TSEN54: variants seen among roughly 807,000 people sequenced by gnomAD.
The protein encoded by TSEN54 is tRNA-splicing endonuclease subunit Sen54.
Under a neutral mutation model 61.9 loss-of-function variants are expected in TSEN54, and 55 were observed. The observed-to-expected ratio is 0.89, with a 90% confidence interval of 0.72 to 1.11. The LOEUF is 1.11. TSEN54 is among the 50% of genes most tolerant of loss of function. The pLI is 0.00. For synonymous variants in TSEN54, 304 were observed against 288.7 expected (o/e 1.05, Z -0.54); for missense variants, 760 against 687.7 (o/e 1.11, Z -1.18).
At chr17:75,520,879 C>T (rs2053420209) in intron 6 of TSEN54, among the ~76,000 whole-genome samples, 1 of 151,412 alleles carries the variant, frequency 6.6e-6, no homozygotes, top group African/African-American at 2.4e-5. Context: ...TCGCTTGAAC[C>T]CAGGAGATGG....
rs200165870 is a variant in TSEN54 at position 75,521,673 on chromosome 17, C to T, written c.624-32C>T. ...ACGTGTGCACCTTAGCAACCAGGGG[C>T]AGATGTGCTGCTTTTCCCCCACGTC... On this transcript the variant is annotated intron_variant, in intron 7 of 10. Transcript: ENST00000333213. 9.9e-6 allele frequency: 16 copies of T among 1,608,910 alleles called. No homozygotes were observed. The East Asian group carries it at 3.3e-4, about 34-fold the overall frequency.
At chr17:75,519,180 C>T (rs1254455244) in intron 6 of TSEN54, 133 bp downstream of exon 6, 7 of 1,023,466 alleles carry the variant, frequency 6.8e-6, no homozygotes, top group Admixed American at 3.5e-5. Flanking sequence ...AGACTGGGGG[C>T]GCCTGCTGGA....
intron 4 of TSEN54, 44 bp from the exon 5 acceptor site, chr17:75,517,513 C>A (rs2053385771): frequency 6.5e-7 from 1 of 1,548,942 alleles, no homozygotes; most frequent in African/African-American, 1.4e-5. Flanking sequence ...CTCTGTGGCA[C>A]TGTAGTGAGG....
At chr17:75,524,158 G>A (rs904185204) in intron 10 of TSEN54, 104 bp from the exon 11 acceptor site, 3 of 1,537,130 alleles carry the variant, frequency 2.0e-6, no homozygotes, top group African/African-American at 2.7e-5. Flanking sequence ...TCATGGGTCA[G>A]AATTCTTGCA....
chr17:75,522,369 T>G (rs2147013963), intron 8 of TSEN54, 36 bp downstream of exon 8: 1 of 1,541,072 alleles, frequency 6.5e-7, no homozygotes, highest in South Asian at 1.2e-5. Context: ...CGAGGGCCAC[T>G]GGCAGCTGAG....
intron 6 of TSEN54, 108 bp downstream of exon 6, chr17:75,519,155 C>A (rs1437386945): frequency 7.5e-6 from 10 of 1,330,138 alleles, no homozygotes; most frequent in Admixed American, 1.7e-5. Context: ...GGCTGGAGTG[C>A]AGTTCCTTGG....
At position 75,522,262 on chromosome 17, in the gene TSEN54, A is replaced by G. The variant is rs560589823; in HGVS notation, c.1181A>G (p.Gln394Arg). 5.0e-5 allele frequency: 77 copies of G among 1,546,940 alleles called. No homozygotes were observed. The Admixed American group carries it at 6.9e-4, about 14-fold the overall frequency. The change falls in exon 8 of 11, where the codon CAG becomes CGG. Residue 394 changes from glutamine (Q) to arginine (R), a missense_variant. Gln to Arg is a conservative substitution (Grantham distance 43). Around this residue, in one of 3 missense-constraint regions of TSEN54, gnomAD observed 667 missense variants for 577.8 expected, o/e 1.15. Transcript: ENST00000333213. The part of the protein sequence containing the change: ...LLQRRQVQRS[Q>R]RRAPHLWGQP... ...CAGCGGCGGCAGGTGCAGAGGAGCC[A>G]GCGCCGGGCCCCTCACCTGTGGGGC... is the stretch of plus-strand genomic sequence containing the variant.
At chr17:75,523,186 A>C (rs1364109262) in intron 8 of TSEN54, 89 bp from the exon 9 acceptor site, 43 of 1,582,560 alleles carry the variant, frequency 2.7e-5, no homozygotes, top group Non-Finnish European at 3.5e-5. Context: ...TTAAAAAAAA[A>C]AGTTGCTAAA....
Position 75,521,205 on chromosome 17 carries a change from G to T in TSEN54, c.522-204G>T, listed in dbSNP as rs2053423580. Reference sequence around the variant, plus strand: ...TTACCAAGTTTGCTAGCTCCTCTGGGCCATTGCCTAGGCAGAGGCACATGG... The same window carrying T: ...TTACCAAGTTTGCTAGCTCCTCTGGTCCATTGCCTAGGCAGAGGCACATGG... On this transcript the variant is annotated intron_variant, in intron 6 of 10. Transcript: ENST00000333213. The T allele has an allele frequency of 6.6e-6, 4 of 603,542 alleles. No homozygotes were observed. The South Asian group carries it at 7.6e-5, about 11-fold the overall frequency. The allele number at this position is 603,542 out of a possible 1,614,324, so 37.4% of individuals were successfully genotyped here.
At chr17:75,520,120 G>A (rs541166525) in intron 6 of TSEN54, among the ~76,000 whole-genome samples, 30 of 152,294 alleles carry the variant, frequency 2.0e-4, no homozygotes, top group African/African-American at 7.2e-4. Flanking sequence ...ACAAGAGGCA[G>A]GCTCACACAA....
chr17:75,524,731 T>A lies in TSEN54; in HGVS notation c.*319T>A, dbSNP rs987391244. 31 of 422,450 alleles carry A rather than the reference T, an allele frequency of 7.3e-5. No homozygotes were observed. Among genetic ancestry groups the A allele is most frequent in the Non-Finnish European group, 8.9e-5 (20 of 224,306 alleles). 26.2% of individuals were successfully genotyped at this position (422,450 alleles called of 1,614,324 possible). A position where few individuals can be genotyped will look rare whatever the true frequency, so the allele number is the denominator to read the frequency against. Reference sequence around the variant, plus strand: ...GCCAAAGCCATTAAAAATAGATTTCTTTTCTGCTGTTTCTGTATGTACTGG... The same window carrying A: ...GCCAAAGCCATTAAAAATAGATTTCATTTCTGCTGTTTCTGTATGTACTGG... On this transcript the variant is annotated 3_prime_UTR_variant, in exon 11 of 11. Coordinates refer to ENST00000333213, the MANE Select transcript of TSEN54 (RefSeq NM_207346.3).
Position 75,517,044 on chromosome 17 carries a change from A to T in TSEN54, c.257A>T (p.Glu86Val). 1 of 1,596,784 alleles carries T rather than the reference A, an allele frequency of 6.3e-7. No individual in the cohort carries two copies. The highest frequency in any genetic ancestry group is 8.5e-7 in the Non-Finnish European group (1 of 1,172,528). The change falls in exon 3 of 11, where the codon GAG becomes GTG. Residue 86 changes from glutamate to valine, a missense_variant. Physicochemically the swap from Glu to Val is moderately radical, Grantham distance 121 (BLOSUM62 -2). Coordinates refer to ENST00000333213, the MANE Select transcript of TSEN54 (RefSeq NM_207346.3). Reference protein sequence around the residue: ...SLVAAEWRPEEGFVELKSPAG... With the variant: ...SLVAAEWRPEVGFVELKSPAG... Reference sequence around the variant, plus strand: ...GTGGCTGCCGAGTGGAGGCCAGAAGAGGGCTTCGTGGAGTTGAAGTCTCCC... The same window carrying T: ...GTGGCTGCCGAGTGGAGGCCAGAAGTGGGCTTCGTGGAGTTGAAGTCTCCC...
Position 75,516,551 on chromosome 17 carries a change from C to G in TSEN54, c.-10C>G, listed in dbSNP as rs965116058. On this transcript the variant is annotated 5_prime_UTR_variant, in exon 1 of 11. Coordinates refer to ENST00000333213, the MANE Select transcript of TSEN54 (RefSeq NM_207346.3). ...GCGTGGCGGCGCGCGCAGCGGCAGG[C>G]GGCGGCGGGATGGAGCCCGAGCCCG... 4 of 1,123,498 alleles carry G rather than the reference C, an allele frequency of 3.6e-6. No homozygotes were observed. The highest frequency in any genetic ancestry group is 3.3e-5 in the African/African-American group (2 of 60,074). 69.6% of individuals were successfully genotyped at this position (1,123,498 alleles called of 1,614,324 possible).
intron 6 of TSEN54, among the ~76,000 whole-genome samples, chr17:75,519,773 G>C (rs1212502991): frequency 6.6e-6 from 1 of 151,854 alleles, no homozygotes; most frequent in Non-Finnish European, 1.5e-5. Flanking sequence ...GGGTTTCACT[G>C]TGTTGCCCAG....
chr17:75,517,111 GCC>G (rs776040116), intron 3 of TSEN54, 39 bp downstream of exon 3: 13 of 1,506,992 alleles, frequency 8.6e-6, no homozygotes, highest in African/African-American at 2.2e-5. Context: ...CGCCCTCCCT[GCC>G]CTCCCTGCCC....
At chr17:75,520,505 G>C (rs1463784102) in intron 6 of TSEN54, among the ~76,000 whole-genome samples, 1 of 150,240 alleles carries the variant, frequency 6.7e-6, no homozygotes, top group Non-Finnish European at 1.5e-5. Context: ...AGAATTGCTT[G>C]AACCTGGGCA....
Position 75,524,722 on chromosome 17 carries a change from A to T in TSEN54, c.*310A>T, listed in dbSNP as rs1396958992. 6.6e-6 allele frequency: 3 copies of T among 455,402 alleles called. No individual in the cohort carries two copies. The highest frequency in any genetic ancestry group is 6.0e-5 in the African/African-American group (3 of 50,188). The allele number at this position is 455,402 out of a possible 1,614,324, so 28.2% of individuals were successfully genotyped here. ...TGCTATAAAGCCAAAGCCATTAAAA[A>T]TAGATTTCTTTTCTGCTGTTTCTGT... On this transcript the variant is annotated 3_prime_UTR_variant, in exon 11 of 11. Transcript: ENST00000333213.
chr17:75,522,057 A>AACGTGGCTGGGC lies in TSEN54; in HGVS notation c.977_988dup (p.Gly329_Arg330insHisValAlaGly), dbSNP rs1322392971. 1.3e-6 allele frequency: 2 copies of AACGTGGCTGGGC among 1,589,686 alleles called. No individual in the cohort carries two copies. The highest frequency in any genetic ancestry group is 2.3e-5 in the South Asian group (2 of 87,758). Reference sequence around the variant, plus strand: ...CCCAGCCCCAGAGCTGCTCCCGGCCAACGTGGCTGGGCGGGAGACAGACGC... The same window carrying AACGTGGCTGGGC: ...CCCAGCCCCAGAGCTGCTCCCGGCCAACGTGGCTGGGCACGTGGCTGGGCGGGAGACAGACGC... On this transcript the variant is annotated inframe_insertion, in exon 8 of 11. Transcript: ENST00000333213.
In TSEN54 at chr17:75,521,944, T is replaced by G. The variant is rs2053431438; in HGVS notation, c.863T>G (p.Val288Gly). The G allele has an allele frequency of 3.7e-6, 6 of 1,608,990 alleles. No homozygotes were observed. The highest frequency in any genetic ancestry group is 5.1e-6 in the Non-Finnish European group (6 of 1,178,844). The change falls in exon 8 of 11, where the codon GTC (valine) becomes GGC (glycine). Residue 288 changes from valine (V) to glycine (G), a missense_variant. Around this residue, in one of 3 missense-constraint regions of TSEN54, gnomAD observed 667 missense variants for 577.8 expected, o/e 1.15. Coordinates refer to ENST00000333213, the MANE Select transcript of TSEN54 (RefSeq NM_207346.3). ...GAGAGTGGCAGAGCCGAGAACGGAG[T>G]CACGGGAGCCGGTAAGCGGCGCTGG... ...SWESGRAENGVTGAGKRRWNF... is the reference protein window; with the variant it reads ...SWESGRAENGGTGAGKRRWNF...
Sources: gnomAD v4.1 joint callset for allele counts (sites outside exome capture counted in the v4.1 genomes callset) on GRCh38, gnomAD v4.1.1 for gene constraint, gnomAD v4.1.1 regional missense constraint, MANE v1.5 for transcripts, NCBI Gene and HGNC (gene_info 2026-07-23, HGNC 2026-07-21) for gene names.